The following ELF2 variants were observed in gnomAD, a reference collection of about 807,000 sequenced individuals.
The protein encoded by ELF2 is E74 like ETS transcription factor 2, also known as ETS-related transcription factor Elf-2.
A neutral mutation model predicts 54.8 loss-of-function variants in ELF2; 11 were observed. The ratio of observed to expected loss-of-function variants is 0.20; its 90% confidence interval spans 0.13 to 0.33. The LOEUF (loss-of-function observed/expected upper bound fraction) is 0.33. Ranked by LOEUF, ELF2 falls within the 10% of genes least tolerant of loss-of-function variation. The pLI, the probability that ELF2 is intolerant of heterozygous loss-of-function variation, is 1.00. For missense variants in ELF2, 513 were observed against 703.0 expected (o/e 0.73, Z 3.06); for synonymous variants, 203 against 245.1 (o/e 0.83, Z 1.61).
intron 1 of ELF2, among the ~76,000 whole-genome samples, chr4:139,143,250 G>C (rs571272119): frequency 2.0e-5 from 3 of 152,312 alleles, no homozygotes; most frequent in African/African-American, 4.8e-5. Flanking sequence ...CATGCAACTT[G>C]TGAGGGCCAT....
intron 1 of ELF2, among the ~76,000 whole-genome samples, chr4:139,162,590 C>A (rs1307796129): frequency 6.6e-6 from 1 of 152,048 alleles, no homozygotes; most frequent in Admixed American, 6.6e-5. Flanking sequence ...TATAAATGAA[C>A]TTTTCACATA....
intron 6 of ELF2, among the ~76,000 whole-genome samples, chr4:139,070,885 T>C (rs1578692177): frequency 6.6e-6 from 1 of 152,182 alleles, no homozygotes; most frequent in African/African-American, 2.4e-5. Flanking sequence ...CTATATTTAA[T>C]GAAGAAAAGA....
chr4:139,061,438 G>T (rs1479618474), intron 8 of ELF2, among the ~76,000 whole-genome samples: 3 of 152,074 alleles, frequency 2.0e-5, no homozygotes, highest in Non-Finnish European at 4.4e-5. Flanking sequence ...GCCTCCCACA[G>T]TTCTGGCATT....
At position 139,177,209 on chromosome 4, in the gene ELF2, T is replaced by A. The variant is rs1207935638; in HGVS notation, c.-494A>T. 1 of 149,232 alleles carries A rather than the reference T, an allele frequency of 6.7e-6. No homozygotes were observed. The highest frequency in any genetic ancestry group is 1.5e-5 in the Non-Finnish European group (1 of 67,342). 9.2% of individuals were successfully genotyped at this position (149,232 alleles called of 1,614,324 possible). A position where few individuals can be genotyped will look rare whatever the true frequency, so the allele number is the denominator to read the frequency against. ...ACGGCGGCGACACAGAGCTTGGCGC[T>A]GGGAGCAATGGTTGCCCCCGCCCCG... On this transcript the variant is annotated 5_prime_UTR_variant, in exon 1 of 10. Transcript: ENST00000686138.
chr4:139,083,477 T>C (rs1001811381), intron 4 of ELF2, among the ~76,000 whole-genome samples: 1 of 152,124 alleles, frequency 6.6e-6, no homozygotes, highest in Non-Finnish European at 1.5e-5. Context: ...CTCAACATTA[T>C]TAAGTGACCC....
At position 139,165,535 on chromosome 4, in the gene ELF2, C is replaced by T. The variant is rs193262715; in HGVS notation, c.-252+11432G>A. On this transcript the variant is annotated intron_variant, in intron 1 of 9. Transcript: ENST00000686138. The stretch of plus-strand genomic sequence containing the variant: ...AAATTAGGCCAGGCACAACGGCTCA[C>T]GCCTGTAATCCCAGCTACCCGGGAG... Among the ~76,000 whole-genome samples the T allele has an allele frequency of 6.1e-3, 925 of 152,204 alleles. 10 individuals carry two copies. Among genetic ancestry groups the T allele is most frequent in the Non-Finnish European group, 0.011 (749 of 68,016 alleles).
intron 4 of ELF2, among the ~76,000 whole-genome samples, chr4:139,092,649 A>C (rs1732796539): frequency 6.6e-6 from 1 of 151,440 alleles, no homozygotes. Context: ...AAAATACAAA[A>C]ACTTAGCCAG....
intron 4 of ELF2, among the ~76,000 whole-genome samples, chr4:139,087,643 T>TTTTAGTAGAGATGGGGTTTGACCGTG (rs1732125608): frequency 6.6e-6 from 1 of 152,070 alleles, no homozygotes; most frequent in South Asian, 2.1e-4. Flanking sequence ...TTTTTTGTAT[T>TTTTAGTAGAGATGGGGTTTGACCGTG]TTTAGTAGAG....
chr4:139,123,262 G>A (rs1013141460), intron 4 of ELF2, among the ~76,000 whole-genome samples: 1 of 151,182 alleles, frequency 6.6e-6, no homozygotes, highest in Non-Finnish European at 1.5e-5. Flanking sequence ...ATTTTAGAAT[G>A]ATATAAGTAA....
At chr4:139,065,615 A>C (rs1728576513) in intron 7 of ELF2, among the ~76,000 whole-genome samples, 1 of 152,238 alleles carries the variant, frequency 6.6e-6, no homozygotes, top group Non-Finnish European at 1.5e-5. Flanking sequence ...CACTGGCTGG[A>C]CTTTGAATAC....
At chr4:139,070,665 G>A (rs1160068422) in intron 6 of ELF2, among the ~76,000 whole-genome samples, 2 of 152,162 alleles carry the variant, frequency 1.3e-5, no homozygotes, top group Admixed American at 1.3e-4. Flanking sequence ...TGCTATAGCA[G>A]GCAGTGGGTA....
At chr4:139,098,905 T>G (rs1290989127) in intron 4 of ELF2, among the ~76,000 whole-genome samples, 1 of 152,272 alleles carries the variant, frequency 6.6e-6, no homozygotes. Flanking sequence ...ATATAATTTC[T>G]GATATATTTT....
intron 1 of ELF2, among the ~76,000 whole-genome samples, chr4:139,170,559 G>A (rs968812057): frequency 3.5e-4 from 53 of 150,844 alleles, no homozygotes; most frequent in African/African-American, 1.2e-3. Context: ...ACCACGCCCA[G>A]CCACCAATTT....
At chr4:139,085,763 A>G (rs1314336765) in intron 4 of ELF2, among the ~76,000 whole-genome samples, 1 of 152,152 alleles carries the variant, frequency 6.6e-6, no homozygotes, top group African/African-American at 2.4e-5. Flanking sequence ...TTTATTGCCA[A>G]TCAATTTAAA....
At chr4:139,144,380 TTC>T (rs1400993750) in intron 1 of ELF2, among the ~76,000 whole-genome samples, 1 of 152,224 alleles carries the variant, frequency 6.6e-6, no homozygotes, top group African/African-American at 2.4e-5. Context: ...CTATTCCTGA[TTC>T]TGTGTCACAG....
At chr4:139,156,367 G>A (rs1327287241) in intron 1 of ELF2, among the ~76,000 whole-genome samples, 1 of 152,050 alleles carries the variant, frequency 6.6e-6, no homozygotes, top group Non-Finnish European at 1.5e-5. Flanking sequence ...TTTTAGTAGA[G>A]ACTGGGTTTC....
intron 1 of ELF2, among the ~76,000 whole-genome samples, chr4:139,165,072 G>C (rs1395836501): frequency 2.0e-5 from 3 of 152,114 alleles, no homozygotes; most frequent in Non-Finnish European, 2.9e-5. Context: ...TTGCCTTTTT[G>C]TTAACTGGCC....
At chr4:139,082,795 G>A (rs1731303322) in intron 4 of ELF2, among the ~76,000 whole-genome samples, 3 of 152,194 alleles carry the variant, frequency 2.0e-5, no homozygotes, top group Admixed American at 2.0e-4. Context: ...CCGGGAAGAG[G>A]AACATGTATG....
chr4:139,162,072 C>T (rs763802095), intron 1 of ELF2, among the ~76,000 whole-genome samples: 105 of 152,124 alleles, frequency 6.9e-4, no homozygotes, highest in Non-Finnish European at 4.7e-4. Context: ...CTAGCTGGGG[C>T]GACAGAGCGA....
Sources: allele counts gnomAD v4.1 joint callset (sites outside exome capture counted in the v4.1 genomes callset), GRCh38; gene constraint gnomAD v4.1.1; transcripts MANE v1.5; gene names NCBI Gene and HGNC (gene_info 2026-07-23, HGNC 2026-07-21).